Variants in LINGO2 observed in about 807,000 individuals in gnomAD.
LINGO2 encodes leucine rich repeat and Ig domain containing 2.
A neutral mutation model predicts 30.6 loss-of-function variants in LINGO2; 14 were observed. The observed-to-expected ratio is 0.46, with a 90% CI of 0.30 to 0.72. The LOEUF is 0.72. Among genes scored for constraint, LINGO2 ranks in the 30% least tolerant of loss-of-function variants. The probability of loss-of-function intolerance (pLI) is 0.07; values close to 1 mark genes in which losing one functional copy is unlikely to be tolerated. For missense variants in LINGO2, 729 were observed against 751.7 expected (o/e 0.97, Z 0.35); for synonymous variants, 317 against 288.5 (o/e 1.10, Z -1.00).
Position 28,147,105 on chromosome 9 carries a change from C to T in LINGO2, c.-86-134700G>A, listed in dbSNP as rs1349757414. 6.6e-6 allele frequency among the ~76,000 whole-genome samples: 1 copy of T among 152,134 alleles called. No individual in the cohort carries two copies. The highest frequency in any genetic ancestry group is 2.4e-5 in the African/African-American group (1 of 41,406). On this transcript the variant is annotated intron_variant, in intron 4 of 5. Coordinates refer to ENST00000379992, the Ensembl canonical transcript of LINGO2. The surrounding 1 kb of genome is among the most constrained non-coding windows in gnomAD (Gnocchi z 4.7). ...GTAGAGGACTGGAGCCCAGAGCATGCCATGGTCAACTTGTATGTTGAAGTG... is the reference window on the plus strand; with the variant it reads ...GTAGAGGACTGGAGCCCAGAGCATGTCATGGTCAACTTGTATGTTGAAGTG...
chr9:28,274,317 C>A (rs117731661), intron 4 of LINGO2, among the ~76,000 whole-genome samples: 4,380 of 152,146 alleles, frequency 0.029, 86 homozygotes, highest in Non-Finnish European at 0.045. Context: ...AAAAAAGTAA[C>A]CCAGGTCCAC....
At chr9:28,489,330 T>C (rs777601594) in intron 1 of LINGO2, among the ~76,000 whole-genome samples, 1 of 152,020 alleles carries the variant, frequency 6.6e-6, no homozygotes. Context: ...CCACCACGCC[T>C]GGCTAATTTT....
intron 5 of LINGO2, among the ~76,000 whole-genome samples, chr9:27,975,051 A>G (rs1158624394): frequency 6.6e-6 from 1 of 152,100 alleles, no homozygotes; most frequent in Non-Finnish European, 1.5e-5. Context: ...TTTGCATCCT[A>G]GGAATATCAG....
chr9:28,457,598 A>C (rs1258965153), intron 2 of LINGO2, among the ~76,000 whole-genome samples: 4 of 151,830 alleles, frequency 2.6e-5, no homozygotes, highest in African/African-American at 9.7e-5. Flanking sequence ...GAAAACAAAA[A>C]TTAAAAAAAA....
intron 2 of LINGO2, among the ~76,000 whole-genome samples, chr9:28,436,966 C>G (rs1372065322): frequency 2.0e-5 from 3 of 152,100 alleles, no homozygotes; most frequent in Non-Finnish European, 4.4e-5. Flanking sequence ...AAGGGGCCAC[C>G]CTTTGAAGAC....
chr9:28,409,288 A>G (rs569417526), intron 2 of LINGO2, among the ~76,000 whole-genome samples: 1 of 152,244 alleles, frequency 6.6e-6, no homozygotes, highest in East Asian at 1.9e-4. Flanking sequence ...CAGCCATCTC[A>G]TCTTTCAGAA....
chr9:29,012,554 A>C, the LINGO2 span, among the ~76,000 whole-genome samples: 1 of 152,146 alleles, frequency 6.6e-6, no homozygotes, highest in African/African-American at 2.4e-5. Context: ...AGTAGGTTTT[A>C]TCATTCTAAC....
At chr9:28,593,647 G>A (rs1191255003) in intron 1 of LINGO2, among the ~76,000 whole-genome samples, 1 of 152,130 alleles carries the variant, frequency 6.6e-6, no homozygotes, top group Non-Finnish European at 1.5e-5. Context: ...CAAAGAAAAT[G>A]TATGTATTTT....
At chr9:29,174,749 G>A in the LINGO2 span, among the ~76,000 whole-genome samples, 35 of 152,326 alleles carry the variant, frequency 2.3e-4, no homozygotes, top group South Asian at 7.0e-3. Context: ...AGGATCAAGA[G>A]ACACCAGTTT....
chr9:28,624,923 C>G (rs1035636981), intron 1 of LINGO2, among the ~76,000 whole-genome samples: 1 of 151,446 alleles, frequency 6.6e-6, no homozygotes, highest in Non-Finnish European at 1.5e-5. Flanking sequence ...TTGTTGCTGC[C>G]AGCTGCATTG....
intron 3 of LINGO2, among the ~76,000 whole-genome samples, chr9:28,324,791 A>C (rs1825167253): frequency 6.6e-6 from 1 of 152,124 alleles, no homozygotes. Flanking sequence ...ACATATAATC[A>C]AGAAGTAAAA....
intron 1 of LINGO2, among the ~76,000 whole-genome samples, chr9:28,504,428 T>C (rs558409690): frequency 6.6e-6 from 1 of 151,888 alleles, no homozygotes; most frequent in African/African-American, 2.4e-5. Flanking sequence ...GGGGCCGATT[T>C]CAAAAAATGT....
At chr9:27,968,309 A>G (rs12003451) in intron 5 of LINGO2, among the ~76,000 whole-genome samples, 11,985 of 152,078 alleles carry the variant, frequency 0.079, 1,574 homozygotes, top group African/African-American at 0.27. Context: ...AAAAAACAAT[A>G]TCCAGCTATG....
intron 2 of LINGO2, among the ~76,000 whole-genome samples, chr9:28,405,247 T>A (rs1822452185): frequency 6.6e-6 from 1 of 152,182 alleles, no homozygotes; most frequent in Non-Finnish European, 1.5e-5. Context: ...TTTCTTATTC[T>A]CTCTTGAGCT....
Position 28,300,126 on chromosome 9 carries a change from G to GA in LINGO2, c.-245-4761dup, listed in dbSNP as rs11306826. Among the ~76,000 whole-genome samples, 1,174 of 131,974 alleles carry GA rather than the reference G, an allele frequency of 8.9e-3. 16 individuals are homozygous for GA. The highest frequency in any genetic ancestry group is 0.03 in the African/African-American group (1,060 of 35,920). The allele number at this position is 131,974 out of a possible 152,430, so 86.6% of individuals were successfully genotyped here. On this transcript the variant is annotated intron_variant, in intron 3 of 5. Coordinates refer to ENST00000379992, the Ensembl canonical transcript of LINGO2. Reference sequence around the variant, plus strand: ...CTTTCTCTCTCTCATTTTTCTAATGGAAAAAAAAAAAAAAAAACAAAGACA... The same window carrying GA: ...CTTTCTCTCTCTCATTTTTCTAATGGAAAAAAAAAAAAAAAAAACAAAGACA...
the LINGO2 span, among the ~76,000 whole-genome samples, chr9:28,884,989 T>C: frequency 1.9e-4 from 1 of 5,296 alleles, no homozygotes; most frequent in East Asian, 6.6e-3. Context: ...TAATATATAA[T>C]AATATATTAT....
rs79775316 is a variant in LINGO2, at chr9:28,469,512, A to T, written c.-279+6428T>A. Among the ~76,000 whole-genome samples the T allele has an allele frequency of 3.3e-3, 496 of 152,276 alleles. 14 individuals are homozygous for T. In the East Asian group the frequency reaches 0.082, roughly 25 times the overall value. ...AGAATAAAGAGATTCACAAGAAGAGACATTACAATCAAATTTCTGAAGGCC... is the reference window on the plus strand; with the variant it reads ...AGAATAAAGAGATTCACAAGAAGAGTCATTACAATCAAATTTCTGAAGGCC... On this transcript the variant is annotated intron_variant, in intron 2 of 5. Transcript: ENST00000379992.
At chr9:28,011,230 G>A (rs10968277) in intron 5 of LINGO2, among the ~76,000 whole-genome samples, 107,476 of 152,116 alleles carry the variant, frequency 0.71, 38,795 homozygotes, top group East Asian at 0.82. Flanking sequence ...TCTGTGACAC[G>A]ACACAAAAAA....
At chr9:28,096,039 G>A (rs1826233948) in intron 4 of LINGO2, among the ~76,000 whole-genome samples, 1 of 152,158 alleles carries the variant, frequency 6.6e-6, no homozygotes, top group Non-Finnish European at 1.5e-5. Flanking sequence ...TACCCAGGAT[G>A]CTGAGGTGGG....
Sources: gnomAD v4.1 joint callset for allele counts (sites outside exome capture counted in the v4.1 genomes callset) on GRCh38, gnomAD v4.1.1 for gene constraint, Gnocchi (gnomAD v3.1) non-coding constraint, MANE v1.5 for transcripts, NCBI Gene and HGNC (gene_info 2026-07-23, HGNC 2026-07-21) for gene names.